Variants in RIC8B observed in about 807,000 individuals in gnomAD.
RIC8B encodes the protein RIC8 guanine nucleotide exchange factor B, also known as chaperone Ric-8B.
A neutral mutation model predicts 57.5 loss-of-function variants in RIC8B; 16 were observed. The observed-to-expected ratio is 0.28, with a 90% CI of 0.19 to 0.42. The LOEUF (loss-of-function observed/expected upper bound fraction) is 0.42. Among genes scored for constraint, RIC8B ranks in the 10% least tolerant of loss-of-function variants. RIC8B has a pLI of 1.00. For missense variants in RIC8B, 481 were observed against 677.0 expected, an observed-to-expected ratio of 0.71 and a Z score of 3.21; for synonymous variants, 216 against 250.8, an observed-to-expected ratio of 0.86 and a Z score of 1.31.
intron 1 of RIC8B, among the ~76,000 whole-genome samples, chr12:106,776,602 T>G (rs763861089): frequency 2.0e-5 from 3 of 152,196 alleles, no homozygotes; most frequent in Non-Finnish European, 4.4e-5. Flanking sequence ...CAGATTTGCT[T>G]CCTCCAATTT....
At chr12:106,857,667 CTT>C (rs979091379) in intron 7 of RIC8B, among the ~76,000 whole-genome samples, 2 of 152,114 alleles carry the variant, frequency 1.3e-5, no homozygotes, top group African/African-American at 4.8e-5. Context: ...CCCAGAAAAT[CTT>C]TTGTTTGCAC....
chr12:106,856,182 T>C (rs1176232224), intron 7 of RIC8B, among the ~76,000 whole-genome samples: 2 of 152,210 alleles, frequency 1.3e-5, no homozygotes, highest in African/African-American at 4.8e-5. Flanking sequence ...TTTTAACTAT[T>C]AATAAGCTAT....
intron 2 of RIC8B, among the ~76,000 whole-genome samples, chr12:106,788,149 A>G (rs1327057009): frequency 2.0e-5 from 3 of 152,214 alleles, no homozygotes; most frequent in Non-Finnish European, 4.4e-5. Flanking sequence ...GAAATCCAGC[A>G]GGGCAGTAAA....
chr12:106,782,675 C>G (rs2043818387), intron 1 of RIC8B, among the ~76,000 whole-genome samples: 1 of 146,652 alleles, frequency 6.8e-6, no homozygotes, highest in Admixed American at 6.8e-5. Context: ...TGGCCACTCT[C>G]TCCTACCTCT....
intron 5 of RIC8B, among the ~76,000 whole-genome samples, chr12:106,843,104 T>TA (rs1393758969): frequency 6.6e-6 from 1 of 152,220 alleles, no homozygotes; most frequent in African/African-American, 2.4e-5. Flanking sequence ...TCCATTTTGT[T>TA]ACTTTGTGAG....
chr12:106,822,077 CAAAAAAA>C (rs67378158), intron 3 of RIC8B, among the ~76,000 whole-genome samples: 11 of 38,028 alleles, frequency 2.9e-4, no homozygotes, highest in Admixed American at 8.2e-4. Flanking sequence ...GACTCCATCT[CAAAAAAA>C]AAAAAAAAAA....
intron 2 of RIC8B, among the ~76,000 whole-genome samples, chr12:106,797,098 T>G (rs896818890): frequency 6.6e-6 from 1 of 152,176 alleles, no homozygotes; most frequent in African/African-American, 2.4e-5. Context: ...TGGAAAACAG[T>G]CTGGTGGATC....
intron 1 of RIC8B, among the ~76,000 whole-genome samples, chr12:106,775,069 G>C (rs910320574): frequency 6.6e-6 from 1 of 152,112 alleles, no homozygotes; most frequent in African/African-American, 2.4e-5. Context: ...CTTGACCTCC[G>C]GTCCTCCTCT....
At chr12:106,809,660 C>G (rs2045241327) in intron 2 of RIC8B, among the ~76,000 whole-genome samples, 1 of 151,652 alleles carries the variant, frequency 6.6e-6, no homozygotes, top group South Asian at 2.1e-4. Context: ...CCCAAATCCC[C>G]AAACCTGAAA....
chr12:106,815,546 A>G (rs1171595793), intron 3 of RIC8B, among the ~76,000 whole-genome samples: 1 of 152,256 alleles, frequency 6.6e-6, no homozygotes, highest in Non-Finnish European at 1.5e-5. Flanking sequence ...GATGCCAAAT[A>G]TAGTTTTCTG....
At chr12:106,779,983 A>G (rs1003373322) in intron 1 of RIC8B, among the ~76,000 whole-genome samples, 5 of 149,144 alleles carry the variant, frequency 3.4e-5, no homozygotes, top group African/African-American at 1.2e-4. Flanking sequence ...TGCTGAGATT[A>G]CAGGCATGAG....
At chr12:106,882,235 CA>C (rs749444635) in intron 9 of RIC8B, among the ~76,000 whole-genome samples, 5 of 152,082 alleles carry the variant, frequency 3.3e-5, no homozygotes, top group Non-Finnish European at 7.4e-5. Flanking sequence ...TTATACTATA[CA>C]CTTTGTATGT....
At chr12:106,853,911 T>A (rs1441424931) in intron 7 of RIC8B, among the ~76,000 whole-genome samples, 1 of 152,192 alleles carries the variant, frequency 6.6e-6, no homozygotes, top group East Asian at 1.9e-4. Context: ...TCTGCCCATG[T>A]ATTACTTACT....
chr12:106,843,781 C>T, intron 5 of RIC8B, 71 bp from the exon 6 acceptor site: 1 of 899,020 alleles, frequency 1.1e-6, no homozygotes, highest in East Asian at 2.9e-5. Flanking sequence ...TCCTCAGTTA[C>T]ATGAAGGAAA....
chr12:106,797,860 C>T (rs1209118383), intron 2 of RIC8B: 4 of 438,490 alleles, frequency 9.1e-6, no homozygotes, highest in Admixed American at 4.2e-5. Context: ...GGCCATGATT[C>T]GAGCTTAGGC....
At chr12:106,868,846 AGC>A (rs1950259409) in intron 8 of RIC8B, among the ~76,000 whole-genome samples, 1 of 135,342 alleles carries the variant, frequency 7.4e-6, no homozygotes, top group Non-Finnish European at 1.6e-5. Context: ...GTGAGGCCCA[AGC>A]TTTTTTTTTT....
intron 7 of RIC8B, among the ~76,000 whole-genome samples, chr12:106,852,023 A>G (rs1027460569): frequency 6.6e-6 from 1 of 152,210 alleles, no homozygotes; most frequent in African/African-American, 2.4e-5. Flanking sequence ...TCCAATCAGT[A>G]CTTACTGAAT....
intron 3 of RIC8B, among the ~76,000 whole-genome samples, chr12:106,816,710 G>A (rs1028620229): frequency 6.6e-6 from 1 of 152,016 alleles, no homozygotes. Flanking sequence ...GACAAAAAAG[G>A]GTTTAAAATT....
chr12:106,788,104 C>T (rs2044114034), intron 2 of RIC8B, among the ~76,000 whole-genome samples: 1 of 152,092 alleles, frequency 6.6e-6, no homozygotes, highest in African/African-American at 2.4e-5. Context: ...GAGAAATTGA[C>T]CAAAACAAAG....
Sources: allele counts gnomAD v4.1 joint callset (sites outside exome capture counted in the v4.1 genomes callset), GRCh38; gene constraint gnomAD v4.1.1; transcripts MANE v1.5; gene names NCBI Gene and HGNC (gene_info 2026-07-23, HGNC 2026-07-21).